Variants in NBAS observed in about 807,000 individuals in gnomAD.
NBAS encodes NAG/BC035112 fusion.
Under a neutral mutation model 302.5 loss-of-function variants are expected in NBAS, and 219 were observed. The observed-to-expected ratio is 0.72, with a 90% CI of 0.65 to 0.81. The LOEUF is 0.81. Ranked by LOEUF, NBAS falls within the 30% of genes least tolerant of loss-of-function variation. The probability of loss-of-function intolerance (pLI) is 0.00; values close to 1 mark genes in which losing one functional copy is unlikely to be tolerated. For synonymous variants in NBAS, 1,118 were observed against 1,021.6 expected, an observed-to-expected ratio of 1.09 and a Z score of -1.80; for missense variants, 2,932 against 2,841.6, an observed-to-expected ratio of 1.03 and a Z score of -0.72.
intron 2 of NBAS, among the ~76,000 whole-genome samples, chr2:15,557,681 A>G (rs1024834712): frequency 6.6e-6 from 1 of 152,190 alleles, no homozygotes; most frequent in African/African-American, 2.4e-5. Context: ...TCACTGGTAT[A>G]AGGATGGACT....
At chr2:15,561,105 C>G in intron 1 of NBAS, 83 bp downstream of exon 1, 1 of 1,041,324 alleles carries the variant, frequency 9.6e-7, no homozygotes, top group Non-Finnish European at 1.4e-6. Flanking sequence ...CGTCTCCACT[C>G]CCCTACGTGG....
intron 48 of NBAS, among the ~76,000 whole-genome samples, chr2:15,202,226 C>A (rs1292175103): frequency 1.3e-5 from 2 of 152,190 alleles, no homozygotes; most frequent in East Asian, 3.9e-4. Flanking sequence ...CCAACAACTG[C>A]AATTCAGAAC....
the NBAS span, among the ~76,000 whole-genome samples, chr2:15,036,206 T>C: frequency 6.6e-6 from 1 of 152,216 alleles, no homozygotes; most frequent in Non-Finnish European, 1.5e-5. Flanking sequence ...ATTTTCCTCA[T>C]TACCAGTGAC....
At position 15,424,675 on chromosome 2, in the gene NBAS, T is replaced by C. The variant is rs6748427; in HGVS notation, c.2424-207A>G. On this transcript the variant is annotated intron_variant, in intron 22 of 51. Transcript: ENST00000281513. ...ATGCGTAATTTATTTTCCCCCCGTT[T>C]TCCCGATTTAAAAAATCAGAAGGCA... Among the ~76,000 whole-genome samples the C allele has an allele frequency of 0.59, 89,559 of 152,020 alleles. 27,600 individuals are homozygous for C. The highest frequency in any genetic ancestry group is 0.68 in the Non-Finnish European group (46,026 of 67,972).
At chr2:15,254,075 T>A (rs1438349244) in intron 44 of NBAS, among the ~76,000 whole-genome samples, 1 of 152,172 alleles carries the variant, frequency 6.6e-6, no homozygotes, top group Non-Finnish European at 1.5e-5. Context: ...GGTCACAAGA[T>A]ATGCAACTTC....
the NBAS span, among the ~76,000 whole-genome samples, chr2:15,104,453 C>T: frequency 6.6e-6 from 1 of 151,930 alleles, no homozygotes; most frequent in Non-Finnish European, 1.5e-5. Flanking sequence ...AAATGACAGT[C>T]TTTGCCTTCC....
the NBAS span, among the ~76,000 whole-genome samples, chr2:14,948,649 T>A: frequency 6.6e-6 from 1 of 152,042 alleles, no homozygotes. Context: ...CTAATATTGT[T>A]AGGATGACAA....
At chr2:14,807,913 T>TCG in the NBAS span, among the ~76,000 whole-genome samples, 1 of 151,002 alleles carries the variant, frequency 6.6e-6, no homozygotes, top group Admixed American at 6.6e-5. Context: ...TCCCTCTCTG[T>TCG]CTCTCTCTCT....
At chr2:15,160,071 T>C in the NBAS span, among the ~76,000 whole-genome samples, 3 of 152,192 alleles carry the variant, frequency 2.0e-5, no homozygotes, top group Non-Finnish European at 4.4e-5. Context: ...GCTTTGATTA[T>C]CATGCTAAGG....
the NBAS span, among the ~76,000 whole-genome samples, chr2:15,104,996 G>A: frequency 3.3e-5 from 5 of 151,850 alleles, no homozygotes; most frequent in African/African-American, 1.2e-4. Flanking sequence ...GCAAAGACTT[G>A]GAACCAACCC....
intron 6 of NBAS, among the ~76,000 whole-genome samples, chr2:15,545,666 C>T (rs917888130): frequency 1.3e-5 from 2 of 152,172 alleles, no homozygotes; most frequent in Admixed American, 1.3e-4. Flanking sequence ...AATTAAAAGA[C>T]TGCTTACAAG....
chr2:15,319,413 G>A (rs924196904), intron 38 of NBAS, among the ~76,000 whole-genome samples: 2 of 151,920 alleles, frequency 1.3e-5, no homozygotes, highest in African/African-American at 4.8e-5. Context: ...AGAACTGAAG[G>A]AGATAGAGAC....
intron 40 of NBAS, among the ~76,000 whole-genome samples, chr2:15,298,724 C>T (rs983298400): frequency 1.3e-5 from 2 of 152,330 alleles, no homozygotes; most frequent in African/African-American, 4.8e-5. Context: ...CATTCCAACA[C>T]TGCATTTCAT....
chr2:15,056,042 T>C, the NBAS span, among the ~76,000 whole-genome samples: 1 of 151,858 alleles, frequency 6.6e-6, no homozygotes, highest in Non-Finnish European at 1.5e-5. Flanking sequence ...ATAATAAACA[T>C]TGACTAAAAA....
chr2:15,080,251 T>C, the NBAS span, among the ~76,000 whole-genome samples: 2 of 152,310 alleles, frequency 1.3e-5, no homozygotes, highest in East Asian at 3.9e-4. Flanking sequence ...TGATGGTCAA[T>C]TGTGCCCCTT....
In NBAS at chr2:15,517,025, G is replaced by A. The variant is rs118152828; in HGVS notation, c.747-5675C>T. On this transcript the variant is annotated intron_variant, in intron 9 of 51. Coordinates refer to ENST00000281513, the MANE Select transcript of NBAS (RefSeq NM_015909.4). ...AGCAACTTGACAATATCAAATAAAT[G>A]CACACAACTAACTATCCCACAAACT... 1.8e-4 allele frequency among the ~76,000 whole-genome samples: 28 copies of A among 151,998 alleles called. No homozygotes were observed. The East Asian group carries it at 5.4e-3, about 29-fold the overall frequency.
intron 38 of NBAS, among the ~76,000 whole-genome samples, chr2:15,326,423 C>G (rs77308050): frequency 6.6e-6 from 1 of 152,156 alleles, no homozygotes; most frequent in East Asian, 1.9e-4. Context: ...TCCGTTATTA[C>G]GCCAAATAAT....
the NBAS span, among the ~76,000 whole-genome samples, chr2:15,036,175 T>C: frequency 6.6e-6 from 1 of 152,240 alleles, no homozygotes; most frequent in East Asian, 1.9e-4. Flanking sequence ...ATTTTTTAAA[T>C]GGTATCTTGT....
At chr2:15,238,351 T>A in intron 45 of NBAS, 117 bp downstream of exon 45, 1 of 1,014,220 alleles carries the variant, frequency 9.9e-7, no homozygotes. Context: ...TTGCGGACAA[T>A]TTTCAAGGAT....
Sources: allele counts gnomAD v4.1 joint callset (sites outside exome capture counted in the v4.1 genomes callset), GRCh38; gene constraint gnomAD v4.1.1; transcripts MANE v1.5; gene names NCBI Gene and HGNC (gene_info 2026-07-23, HGNC 2026-07-21).